The following LRP2BP variants were observed in gnomAD, a reference collection of about 807,000 sequenced individuals.
The protein encoded by LRP2BP is LRP2 binding protein.
A neutral mutation model predicts 45.2 loss-of-function variants in LRP2BP; 38 were observed. The observed-to-expected ratio is 0.84, with a 90% CI of 0.65 to 1.10. The LOEUF is 1.10. Ranked by LOEUF, LRP2BP falls within the 50% of genes least tolerant of loss-of-function variation. LRP2BP has a pLI of 0.00. For missense variants in LRP2BP, 385 were observed against 418.9 expected (o/e 0.92, Z 0.71); for synonymous variants, 153 against 153.9 (o/e 0.99, Z 0.04).
At chr4:185,378,553 C>T in intron 1 of LRP2BP, 1 of 1,029,606 alleles carries the variant, frequency 9.7e-7, no homozygotes, top group Non-Finnish European at 1.2e-6. Context: ...TGCCCACAGT[C>T]AGAGCTCTTC....
intron 1 of LRP2BP, 43 bp from the exon 2 acceptor site, chr4:185,378,250 C>T (rs2095444760): frequency 6.2e-7 from 1 of 1,600,524 alleles, no homozygotes; most frequent in South Asian, 1.1e-5. Context: ...ATTTCTTCCT[C>T]CAGCGAAGTG....
At chr4:185,388,886 AT>A (rs1478235785) in intron 1 of LRP2BP, among the ~76,000 whole-genome samples, 1 of 151,314 alleles carries the variant, frequency 6.6e-6, no homozygotes, top group Non-Finnish European at 1.5e-5. Flanking sequence ...AATAATTATT[AT>A]TTTTTTTGAG....
intron 6 of LRP2BP, 43 bp from the exon 7 acceptor site, chr4:185,373,122 G>A: frequency 6.5e-7 from 1 of 1,529,454 alleles, no homozygotes; most frequent in South Asian, 1.1e-5. Flanking sequence ...TGATCCACTA[G>A]ATGAAATTAT....
intron 1 of LRP2BP, among the ~76,000 whole-genome samples, chr4:185,387,244 C>T (rs1037917867): frequency 6.6e-6 from 1 of 152,066 alleles, no homozygotes; most frequent in Non-Finnish European, 1.5e-5. Context: ...AACAAACCAA[C>T]AAAAAACCAC....
chr4:185,395,353 G>C lies in LRP2BP; in HGVS notation c.-596C>G. On this transcript the variant is annotated 5_prime_UTR_variant, in exon 1 of 9. The change creates a new upstream start codon in the 5' untranslated region. Transcript: ENST00000505916. ...TGTTCAAAACTGTAAGAACGTGTCT[G>C]ATACCCTTTATTAGTTAGGAATTCC... 1.0e-6 allele frequency: 1 copy of C among 985,370 alleles called. No individual in the cohort carries two copies. The highest frequency in any genetic ancestry group is 1.2e-6 in the Non-Finnish European group (1 of 829,890). The allele number at this position is 985,370 out of a possible 1,614,324, so 61.0% of individuals were successfully genotyped here.
upstream of LRP2BP, chr4:185,396,978 CT>C (rs759890579): frequency 6.2e-7 from 1 of 1,613,078 alleles, no homozygotes; most frequent in Non-Finnish European, 8.5e-7. Context: ...AGAGCCCGAG[CT>C]TTTGTCCTGC....
Position 185,395,119 on chromosome 4 carries a change from G to A in LRP2BP, c.-362C>T. ...TTTTTCTGAAAACAATGTGAGCAAT[G>A]GACAGGTACGCTGTGATTAAAGGGA... On this transcript the variant is annotated 5_prime_UTR_variant, in exon 1 of 9. Transcript: ENST00000505916. 4 of 985,278 alleles carry A rather than the reference G, an allele frequency of 4.1e-6. No homozygotes were observed. The highest frequency in any genetic ancestry group is 4.8e-6 in the Non-Finnish European group (4 of 829,910). 61.0% of individuals were successfully genotyped at this position (985,278 alleles called of 1,614,324 possible).
intron 1 of LRP2BP, chr4:185,378,896 GAAAC>G (rs1448211980): frequency 1.0e-6 from 1 of 985,266 alleles, no homozygotes; most frequent in African/African-American, 1.7e-5. Flanking sequence ...TCACCAATCA[GAAAC>G]AAGCTTCCAG....
Position 185,370,689 on chromosome 4 carries a change from C to A in LRP2BP, c.929G>T (p.Gly310Val). 6.2e-7 allele frequency: 1 copy of A among 1,614,012 alleles called. No individual in the cohort carries two copies. Among genetic ancestry groups the A allele is most frequent in the South Asian group, 1.1e-5 (1 of 91,080 alleles). The part of the protein sequence containing the change: ...SFYHARCLQL[G>V]LGITRDETTA... Reference sequence around the variant, plus strand: ...TGTTTCATCCCTGGTGATGCCCAAGCCAAGCTGAAGACACCTTGCGTGGTA... The same window carrying A: ...TGTTTCATCCCTGGTGATGCCCAAGACAAGCTGAAGACACCTTGCGTGGTA... Residue 310 changes from glycine to valine, a missense_variant, in exon 8 of 9, where the codon GGC becomes GTC. By Grantham distance (109) the Gly-to-Val change is moderately radical. Transcript: ENST00000505916.
At chr4:185,375,504 A>ATATATATATATATATG (rs2095433246) in intron 4 of LRP2BP, 109 bp downstream of exon 4, 1 of 79,892 alleles carries the variant, frequency 1.3e-5, no homozygotes, top group Non-Finnish European at 2.2e-5. Flanking sequence ...ATATATATAT[A>ATATATATATATATATG]TATATATATA....
intron 4 of LRP2BP, 143 bp from the exon 5 acceptor site, chr4:185,374,604 C>T (rs1205402647): frequency 1.2e-6 from 1 of 861,526 alleles, no homozygotes; most frequent in African/African-American, 1.7e-5. Flanking sequence ...TACAATTGTC[C>T]TGGATTCTGC....
upstream of LRP2BP, chr4:185,396,706 C>T (rs1295157448): frequency 2.1e-5 from 12 of 579,624 alleles, no homozygotes; most frequent in East Asian, 3.5e-4. Flanking sequence ...GTACGTGCGG[C>T]CGTGGCGGGG....
chr4:185,369,343 G>A (rs1394856637), intron 8 of LRP2BP, among the ~76,000 whole-genome samples: 2 of 150,292 alleles, frequency 1.3e-5, no homozygotes, highest in East Asian at 2.0e-4. Flanking sequence ...TCAGCCTCGC[G>A]AGTAGCTGGG....
intron 1 of LRP2BP, among the ~76,000 whole-genome samples, chr4:185,393,710 G>C (rs778305541): frequency 1.3e-5 from 2 of 151,920 alleles, no homozygotes; most frequent in African/African-American, 4.8e-5. Context: ...ATTTTTAGTA[G>C]AGACGGGGTT....
intron 1 of LRP2BP, among the ~76,000 whole-genome samples, chr4:185,387,063 T>C (rs948059734): frequency 1.3e-5 from 2 of 152,108 alleles, no homozygotes; most frequent in African/African-American, 2.4e-5. Context: ...CTGGCCAACA[T>C]GGTGAAACCC....
chr4:185,393,478 AT>A (rs1247599447), intron 1 of LRP2BP, among the ~76,000 whole-genome samples: 3 of 151,630 alleles, frequency 2.0e-5, no homozygotes, highest in African/African-American at 7.3e-5. Flanking sequence ...ACTTTTAATA[AT>A]TTTCACCTGG....
chr4:185,396,734 C>A (rs991626648), upstream of LRP2BP: 3 of 621,920 alleles, frequency 4.8e-6, no homozygotes, highest in African/African-American at 1.8e-5. Flanking sequence ...GGGTCCGGGT[C>A]GTTGAGGATT....
chr4:185,375,770 T>C (rs779595719), intron 3 of LRP2BP, 44 bp from the exon 4 acceptor site: 2 of 1,344,708 alleles, frequency 1.5e-6, no homozygotes, highest in East Asian at 4.9e-5. Context: ...ATTATGATCT[T>C]AAAGTAATCC....
intron 4 of LRP2BP, among the ~76,000 whole-genome samples, chr4:185,374,997 G>A (rs934969339): frequency 1.3e-5 from 2 of 152,070 alleles, no homozygotes; most frequent in Non-Finnish European, 2.9e-5. Context: ...GGAAAGCATA[G>A]AAGATATTCT....
Sources: allele counts gnomAD v4.1 joint callset (sites outside exome capture counted in the v4.1 genomes callset), GRCh38; gene constraint gnomAD v4.1.1; transcripts MANE v1.5; gene names NCBI Gene and HGNC (gene_info 2026-07-23, HGNC 2026-07-21).